The following ADAMTS2 variants were observed in gnomAD, a reference collection of about 807,000 sequenced individuals.
The protein encoded by ADAMTS2 is A disintegrin and metalloproteinase with thrombospondin motifs 2.
Under a neutral mutation model 123.0 loss-of-function variants are expected in ADAMTS2, and 50 were observed. That is an observed-to-expected ratio of 0.41 (90% confidence interval 0.32 to 0.51). The LOEUF (loss-of-function observed/expected upper bound fraction) is 0.51. Among genes scored for constraint, ADAMTS2 ranks in the 20% least tolerant of loss-of-function variants. ADAMTS2 has a pLI of 0.35. For synonymous variants in ADAMTS2, 678 were observed against 695.4 expected (o/e 0.98, Z 0.39); for missense variants, 1,494 against 1,705.2 (o/e 0.88, Z 2.18).
At chr5:179,220,366 G>A (rs560571549) in intron 3 of ADAMTS2, among the ~76,000 whole-genome samples, 7 of 152,190 alleles carry the variant, frequency 4.6e-5, no homozygotes, top group East Asian at 1.9e-4. Flanking sequence ...GATGACAGGC[G>A]GAAAATCCCT....
At chr5:179,319,394 T>C (rs1254283782) in intron 2 of ADAMTS2, among the ~76,000 whole-genome samples, 4 of 152,080 alleles carry the variant, frequency 2.6e-5, no homozygotes, top group African/African-American at 7.2e-5. Context: ...TGTACAGGCA[T>C]GCAGTGCACA....
At chr5:179,291,903 A>AC (rs1756198855) in intron 2 of ADAMTS2, among the ~76,000 whole-genome samples, 2 of 143,012 alleles carry the variant, frequency 1.4e-5, no homozygotes, top group Non-Finnish European at 3.1e-5. Context: ...CAGCTAGCTA[A>AC]TTTAAAAAAA....
intron 10 of ADAMTS2, among the ~76,000 whole-genome samples, chr5:179,142,436 T>C (rs897164196): frequency 2.6e-5 from 4 of 152,172 alleles, no homozygotes; most frequent in Admixed American, 6.5e-5. Flanking sequence ...CCTCAGATAC[T>C]GGCAACACCC....
At chr5:179,211,416 C>A (rs1465664479) in intron 3 of ADAMTS2, among the ~76,000 whole-genome samples, 1 of 152,204 alleles carries the variant, frequency 6.6e-6, no homozygotes, top group Non-Finnish European at 1.5e-5. Flanking sequence ...AGGTGGGCTG[C>A]AGCTACCCTG....
chr5:179,127,273 G>C (rs1311213397), intron 17 of ADAMTS2, among the ~76,000 whole-genome samples: 2 of 152,138 alleles, frequency 1.3e-5, no homozygotes, highest in Non-Finnish European at 2.9e-5. Context: ...TGTGGGGCCG[G>C]GGGTGCCCAG....
chr5:179,157,837 C>T (rs534529674), intron 6 of ADAMTS2, among the ~76,000 whole-genome samples: 1 of 152,334 alleles, frequency 6.6e-6, no homozygotes, highest in East Asian at 1.9e-4. Flanking sequence ...TCTTCACATA[C>T]TTCAGATATA....
In ADAMTS2 at chr5:179,197,467, G is replaced by A. The variant is rs552070466; in HGVS notation, c.891+10046C>T. Among the ~76,000 whole-genome samples the A allele has an allele frequency of 5.9e-5, 9 of 152,268 alleles. No homozygotes were observed. The South Asian group carries it at 1.2e-3, about 21-fold the overall frequency. The stretch of plus-strand genomic sequence containing the variant: ...TATCTGTAGCCAGGCGTGGTGGCTC[G>A]TGCCTGTGATCCCAGCTACTCAGGA... On this transcript the variant is annotated intron_variant, in intron 4 of 21. Coordinates refer to ENST00000251582, the MANE Select transcript of ADAMTS2 (RefSeq NM_014244.5). This position sits in a 1 kb window ranked among gnomAD's most constrained non-coding sequence, Gnocchi z 4.2.
chr5:179,259,124 A>G (rs1388141815), intron 3 of ADAMTS2, among the ~76,000 whole-genome samples: 2 of 152,010 alleles, frequency 1.3e-5, no homozygotes, highest in Non-Finnish European at 2.9e-5. Flanking sequence ...AGCCATCGTG[A>G]TCTGACCTCC....
At chr5:179,144,507 GA>G (rs1554125367) in intron 10 of ADAMTS2, among the ~76,000 whole-genome samples, 1 of 152,156 alleles carries the variant, frequency 6.6e-6, no homozygotes, top group Non-Finnish European at 1.5e-5. Flanking sequence ...TCACCATTTC[GA>G]AGCTTACTAT....
intron 3 of ADAMTS2, among the ~76,000 whole-genome samples, chr5:179,209,522 GCACA>G (rs112513570): frequency 3.3e-5 from 5 of 151,126 alleles, no homozygotes; most frequent in Admixed American, 3.3e-4. Context: ...ACACACACAT[GCACA>G]CACACACACA....
chr5:179,144,280 T>C (rs534182356), intron 10 of ADAMTS2, among the ~76,000 whole-genome samples: 2 of 152,314 alleles, frequency 1.3e-5, no homozygotes, highest in African/African-American at 4.8e-5. Context: ...TGAAAGAAGT[T>C]CAAGTTCTAA....
Position 179,195,352 on chromosome 5 carries a change from C to T in ADAMTS2, c.891+12161G>A, listed in dbSNP as rs111749915. Among the ~76,000 whole-genome samples, 585 of 152,318 alleles carry T rather than the reference C, an allele frequency of 3.8e-3. 3 individuals are homozygous for T. The Middle Eastern group carries it at 0.041, about 11-fold the overall frequency. ...CACAGGGCGCAGCAGGACAGGCAGT[C>T]GCCTCCTTCCTTCTAGGCTGGAAAG... On this transcript the variant is annotated intron_variant, in intron 4 of 21. Transcript: ENST00000251582.
At chr5:179,343,142 G>A (rs1005277793) in intron 2 of ADAMTS2, among the ~76,000 whole-genome samples, 6 of 152,190 alleles carry the variant, frequency 3.9e-5, no homozygotes, top group Non-Finnish European at 7.3e-5. Context: ...GTCAGCCAAG[G>A]GGCAGAGGGC....
chr5:179,166,068 C>T (rs937648618), intron 5 of ADAMTS2, among the ~76,000 whole-genome samples: 5 of 152,184 alleles, frequency 3.3e-5, no homozygotes, highest in African/African-American at 7.2e-5. Flanking sequence ...CTCCACTGCC[C>T]GAGTGCTCTG....
chr5:179,163,136 C>T (rs911263012), intron 5 of ADAMTS2, among the ~76,000 whole-genome samples: 24 of 151,970 alleles, frequency 1.6e-4, no homozygotes, highest in East Asian at 7.7e-4. Flanking sequence ...CAGGGAGGTC[C>T]GCTATCCTAG....
intron 4 of ADAMTS2, among the ~76,000 whole-genome samples, chr5:179,182,957 G>A (rs750812536): frequency 2.6e-5 from 4 of 152,132 alleles, no homozygotes; most frequent in African/African-American, 4.8e-5. Flanking sequence ...TTTGGTCATC[G>A]CCCTCCGTTT....
At position 179,237,955 on chromosome 5, in the gene ADAMTS2, C is replaced by T. The variant is rs139200091; in HGVS notation, c.689-30240G>A. 5.7e-3 allele frequency among the ~76,000 whole-genome samples: 868 copies of T among 152,284 alleles called. 10 individuals are homozygous for T. The highest frequency in any genetic ancestry group is 0.02 in the African/African-American group (822 of 41,570). The stretch of plus-strand genomic sequence containing the variant: ...GTGTAGCTGTGGCTCCTGAGAACGG[C>T]GGTGTTAAAGGACAGTTACTTAACC... On this transcript the variant is annotated intron_variant, in intron 3 of 21. Coordinates refer to ENST00000251582, the MANE Select transcript of ADAMTS2 (RefSeq NM_014244.5).
Position 179,315,502 on chromosome 5 carries a change from C to T in ADAMTS2, c.534+28265G>A, listed in dbSNP as rs77925440. 6.9e-3 allele frequency among the ~76,000 whole-genome samples: 1,055 copies of T among 152,338 alleles called. 9 individuals are homozygous for T. The highest frequency in any genetic ancestry group is 0.024 in the African/African-American group (1,002 of 41,574). On this transcript the variant is annotated intron_variant, in intron 2 of 21. Transcript: ENST00000251582. ...GACTTTCCTCCCATCTCCCTTGTCCCGCTCACGAGGAGAAGCCAGAGCTAG... is the reference window on the plus strand; with the variant it reads ...GACTTTCCTCCCATCTCCCTTGTCCTGCTCACGAGGAGAAGCCAGAGCTAG...
chr5:179,170,254 G>T lies in ADAMTS2; in HGVS notation c.975+10818C>A, dbSNP rs899525543. The stretch of plus-strand genomic sequence containing the variant: ...CCCACTGGAGCCTGGTGAGGCCTGG[G>T]GGACAGGCAATGGGGGAGCGGCAGG... On this transcript the variant is annotated intron_variant, in intron 5 of 21. Transcript: ENST00000251582. This position sits in a 1 kb window ranked among gnomAD's most constrained non-coding sequence, Gnocchi z 4.3. Among the ~76,000 whole-genome samples, 1 of 152,182 alleles carries T rather than the reference G, an allele frequency of 6.6e-6. No individual in the cohort carries two copies. The highest frequency in any genetic ancestry group is 1.9e-4 in the East Asian group (1 of 5,190).
Sources: gnomAD v4.1 joint callset for allele counts (sites outside exome capture counted in the v4.1 genomes callset) on GRCh38, gnomAD v4.1.1 for gene constraint, Gnocchi (gnomAD v3.1) non-coding constraint, MANE v1.5 for transcripts, NCBI Gene and HGNC (gene_info 2026-07-23, HGNC 2026-07-21) for gene names.